The following TTC39C variants were observed in gnomAD, a reference collection of about 807,000 sequenced individuals.
TTC39C encodes the protein tetratricopeptide repeat domain 39C, also known as tetratricopeptide repeat protein 39C.
A neutral mutation model predicts 76.3 loss-of-function variants in TTC39C; 33 were observed. That is an observed-to-expected ratio of 0.43 (90% CI 0.33 to 0.58). The LOEUF (loss-of-function observed/expected upper bound fraction) is 0.58, where lower values mean the gene tolerates loss of function less well. Among genes scored for constraint, TTC39C ranks in the 20% least tolerant of loss-of-function variants. The pLI, the probability that TTC39C is intolerant of heterozygous loss-of-function variation, is 0.04. For synonymous variants in TTC39C, 254 were observed against 260.6 expected, an observed-to-expected ratio of 0.97 and a Z score of 0.24; for missense variants, 595 against 701.4, an observed-to-expected ratio of 0.85 and a Z score of 1.71.
chr18:24,084,621 C>T (rs1023361212), intron 6 of TTC39C, among the ~76,000 whole-genome samples: 3 of 151,584 alleles, frequency 2.0e-5, no homozygotes, highest in African/African-American at 7.3e-5. Flanking sequence ...GCTCGTGAGC[C>T]CTTGGTTGTG....
intron 1 of TTC39C, among the ~76,000 whole-genome samples, chr18:24,035,927 C>A (rs2083726558): frequency 2.0e-5 from 3 of 152,040 alleles, no homozygotes; most frequent in South Asian, 4.2e-4. Context: ...ATGCTTAGGT[C>A]TTTCATCCCT....
In TTC39C at chr18:24,080,683, C is replaced by G. The variant is rs1568430123; in HGVS notation, c.559C>G (p.Leu187Val). The G allele has an allele frequency of 6.2e-7, 1 of 1,614,104 alleles. No individual in the cohort carries two copies. The highest frequency in any genetic ancestry group is 8.5e-7 in the Non-Finnish European group (1 of 1,179,984). ...CCTTCAGGAGCTGTATCAGAAGAAG[C>G]TAACTGAAGAGTCCTTGACTTCTGA... is the stretch of plus-strand genomic sequence containing the variant. ...NALQELYQKK[L>V]TEESLTSDAA... is the part of the protein sequence containing the mutation. The change falls in exon 5 of 14, where the codon CTA becomes GTA. Residue 187 changes from leucine (L) to valine (V), a missense_variant. Transcript: ENST00000317571.
At chr18:24,081,588 G>A (rs1359143604) in intron 5 of TTC39C, among the ~76,000 whole-genome samples, 1 of 152,044 alleles carries the variant, frequency 6.6e-6, no homozygotes. Flanking sequence ...AATTTAACAC[G>A]ATTCCGGATA....
chr18:24,013,049 C>G (rs1008052833), upstream of TTC39C: 1 of 152,192 alleles, frequency 6.6e-6, no homozygotes, highest in African/African-American at 2.4e-5. Context: ...GCCCTAAAAA[C>G]AAAAGGTTAC....
chr18:24,095,827 G>A (rs1237000856), intron 6 of TTC39C, among the ~76,000 whole-genome samples: 1 of 152,146 alleles, frequency 6.6e-6, no homozygotes, highest in East Asian at 1.9e-4. Flanking sequence ...ATCATTTTTA[G>A]CTTTTGATTT....
chr18:24,054,326 A>G (rs1170114103), intron 1 of TTC39C, among the ~76,000 whole-genome samples: 4 of 152,222 alleles, frequency 2.6e-5, no homozygotes, highest in Non-Finnish European at 4.4e-5. Context: ...GCTGGATGAT[A>G]TATTCCGTTG....
intron 1 of TTC39C, among the ~76,000 whole-genome samples, chr18:24,057,209 C>G (rs917088701): frequency 4.6e-5 from 7 of 152,072 alleles, no homozygotes. Flanking sequence ...GTACATCCCT[C>G]TAAAAAGTAG....
chr18:24,087,104 A>G (rs2084450099), intron 6 of TTC39C, among the ~76,000 whole-genome samples: 1 of 152,176 alleles, frequency 6.6e-6, no homozygotes, highest in Admixed American at 6.5e-5. Context: ...AATGGGTTAT[A>G]TAGGAATCTC....
chr18:24,086,257 C>T (rs2084438075), intron 6 of TTC39C, among the ~76,000 whole-genome samples: 1 of 152,142 alleles, frequency 6.6e-6, no homozygotes, highest in Admixed American at 6.5e-5. Context: ...TTTGTTTCTT[C>T]AGTGACTCAG....
intron 1 of TTC39C, among the ~76,000 whole-genome samples, chr18:24,053,288 GAC>G (rs142589626): frequency 0.16 from 24,281 of 152,086 alleles, 2,010 homozygotes; most frequent in Admixed American, 0.22. Context: ...TCACTTCCAA[GAC>G]ACCTTTCCCT....
chr18:24,014,300 T>C (rs1349545721), upstream of TTC39C: 1 of 152,164 alleles, frequency 6.6e-6, no homozygotes, highest in East Asian at 1.9e-4. Flanking sequence ...CCGGGCGGAG[T>C]TCCCCTTCCC....
intron 1 of TTC39C, among the ~76,000 whole-genome samples, chr18:24,030,060 G>A (rs2083648702): frequency 6.6e-6 from 1 of 152,132 alleles, no homozygotes; most frequent in Non-Finnish European, 1.5e-5. Flanking sequence ...TCTACTTTTA[G>A]TTCTTTAAGG....
chr18:24,023,961 TATATATATATATATATATAC>T (rs1568408797), intron 1 of TTC39C, among the ~76,000 whole-genome samples: 5 of 11,832 alleles, frequency 4.2e-4, no homozygotes, highest in Non-Finnish European at 1.6e-3. Flanking sequence ...TATATATATA[TATATATATATATATATATAC>T]ATATATATAT....
chr18:24,003,697 T>A (rs986527293), intron 1 of TTC39C, among the ~76,000 whole-genome samples: 2 of 148,406 alleles, frequency 1.3e-5, no homozygotes, highest in Admixed American at 6.8e-5. Flanking sequence ...AATACTTTTT[T>A]AAATGGCTTG....
At chr18:24,024,130 A>G (rs138396565) in intron 1 of TTC39C, among the ~76,000 whole-genome samples, 10,412 of 145,610 alleles carry the variant, frequency 0.072, 709 homozygotes, top group Admixed American at 0.17. Context: ...CTCCTGCCTC[A>G]GCCTCCCGAG....
At chr18:24,004,749 G>A (rs2083339414) in intron 1 of TTC39C, among the ~76,000 whole-genome samples, 1 of 152,160 alleles carries the variant, frequency 6.6e-6, no homozygotes, top group Non-Finnish European at 1.5e-5. Flanking sequence ...GCATTCCACT[G>A]TGCTTTCACT....
rs772504894 is a variant in TTC39C at position 24,014,931 on chromosome 18, A to AGCGGCG, written c.70_75dup (p.Ala24_Ala25dup). ...GGGACGACGGAGACTCGGACGCGGC[A>AGCGGCG]GCGGCGGCGGCGGCGCCCCTGCAGG... On this transcript the variant is annotated inframe_insertion, in exon 1 of 14. Transcript: ENST00000317571. The AGCGGCG allele has an allele frequency of 6.2e-4, 945 of 1,523,522 alleles. 4 individuals carry two copies. The African/African-American group carries it at 0.012, about 20-fold the overall frequency. The allele number at this position is 1,523,522 out of a possible 1,614,324, so 94.4% of individuals were successfully genotyped here. A position where few individuals can be genotyped will look rare whatever the true frequency, so the allele number is the denominator to read the frequency against.
At chr18:24,107,286 AACACACACACAC>A (rs10609672) in intron 6 of TTC39C, among the ~76,000 whole-genome samples, 7 of 150,560 alleles carry the variant, frequency 4.6e-5, no homozygotes, top group African/African-American at 1.5e-4. Flanking sequence ...ATCCTTCTCT[AACACACACACAC>A]ACACACACAC....
rs2085182179 is a variant in TTC39C at position 24,134,898 on chromosome 18, G to A, written c.*2324G>A. 1 of 152,090 alleles carries A rather than the reference G, an allele frequency of 6.6e-6. No homozygotes were observed. The highest frequency in any genetic ancestry group is 2.4e-5 in the African/African-American group (1 of 41,422). The allele number at this position is 152,090 out of a possible 1,614,324, so 9.4% of individuals were successfully genotyped here. On this transcript the variant is annotated 3_prime_UTR_variant, in exon 14 of 14. Transcript: ENST00000317571. ...AGAGTTCAGGACTTCAGATTAGTTT[G>A]TGTTCAGCTCACTTAACTGGATAGA...
Sources: allele counts gnomAD v4.1 joint callset (sites outside exome capture counted in the v4.1 genomes callset), GRCh38; gene constraint gnomAD v4.1.1; transcripts MANE v1.5; gene names NCBI Gene and HGNC (gene_info 2026-07-23, HGNC 2026-07-21).